PPARGC1A: variants seen among roughly 807,000 people sequenced by gnomAD.
PPARGC1A encodes PPARG coactivator 1 alpha, also known as peroxisome proliferator-activated receptor gamma coactivator 1-alpha.
Under a neutral mutation model 88.7 loss-of-function variants are expected in PPARGC1A, and 25 were observed. That is an observed-to-expected ratio of 0.28 (90% CI 0.21 to 0.39). PPARGC1A has a LOEUF of 0.39. PPARGC1A is among the 10% of genes least tolerant of loss of function. The pLI is 1.00. For missense variants in PPARGC1A, 880 were observed against 968.7 expected (o/e 0.91, Z 1.22); for synonymous variants, 363 against 355.6 (o/e 1.02, Z -0.24).
At chr4:23,968,609 A>G in the PPARGC1A span, among the ~76,000 whole-genome samples, 1 of 152,320 alleles carries the variant, frequency 6.6e-6, no homozygotes, top group South Asian at 2.1e-4. Flanking sequence ...TTAATAATAC[A>G]TACCTTATTA....
the PPARGC1A span, among the ~76,000 whole-genome samples, chr4:24,184,806 T>C: frequency 6.6e-6 from 1 of 151,948 alleles, no homozygotes; most frequent in African/African-American, 2.4e-5. Flanking sequence ...TTTTCTAGGG[T>C]CAAGAAACAG....
chr4:24,459,945 C>T, the PPARGC1A span, among the ~76,000 whole-genome samples: 1,933 of 152,230 alleles, frequency 0.013, 21 homozygotes, highest in Non-Finnish European at 0.02. Flanking sequence ...AGGTAGTTTC[C>T]CAAAACTCTC....
chr4:24,157,955 T>C, the PPARGC1A span, among the ~76,000 whole-genome samples: 1 of 152,034 alleles, frequency 6.6e-6, no homozygotes, highest in Non-Finnish European at 1.5e-5. Context: ...CCCCTTACCC[T>C]TCCAACACAC....
chr4:23,953,045 GC>G, the PPARGC1A span, among the ~76,000 whole-genome samples: 1 of 151,868 alleles, frequency 6.6e-6, no homozygotes, highest in African/African-American at 2.4e-5. Context: ...ATTAAAGTTT[GC>G]TATAACTTAC....
the PPARGC1A span, among the ~76,000 whole-genome samples, chr4:23,952,219 T>C: frequency 1.3e-5 from 2 of 152,196 alleles, no homozygotes; most frequent in African/African-American, 4.8e-5. Flanking sequence ...ATTTAAATCA[T>C]CTGAAAGAGA....
At chr4:24,317,554 C>CAAAAAAAAAAAAAAAAAAAA in the PPARGC1A span, among the ~76,000 whole-genome samples, 5 of 14,254 alleles carry the variant, frequency 3.5e-4, no homozygotes, top group Non-Finnish European at 9.7e-4. Context: ...GTTCAGAGGA[C>CAAAAAAAAAAAAAAAAAAAA]TAAAAAAAAA....
chr4:24,041,358 C>T, the PPARGC1A span, among the ~76,000 whole-genome samples: 2 of 152,168 alleles, frequency 1.3e-5, no homozygotes, highest in Non-Finnish European at 2.9e-5. Context: ...GAAGTATTCC[C>T]TCTCTAACAG....
At chr4:24,001,046 T>A in the PPARGC1A span, among the ~76,000 whole-genome samples, 1 of 152,230 alleles carries the variant, frequency 6.6e-6, no homozygotes, top group South Asian at 2.1e-4. Context: ...CTTTCCTTTT[T>A]ATCCCCTTCA....
chr4:24,353,310 G>A, the PPARGC1A span, among the ~76,000 whole-genome samples: 2 of 149,892 alleles, frequency 1.3e-5, no homozygotes, highest in South Asian at 2.1e-4. Context: ...CAGGGAAGCC[G>A]AGCATAGAAG....
chr4:23,861,310 A>C (rs11724368), intron 2 of PPARGC1A, among the ~76,000 whole-genome samples: 2 of 152,264 alleles, frequency 1.3e-5, no homozygotes, highest in Admixed American at 1.3e-4. Flanking sequence ...ATTTTGATAC[A>C]GTCACCAGAC....
intron 1 of PPARGC1A, 142 bp downstream of exon 1, chr4:23,889,762 G>A (rs1459630818): frequency 4.1e-6 from 4 of 984,874 alleles, no homozygotes; most frequent in Non-Finnish European, 4.3e-6. Flanking sequence ...GTTAAGATAA[G>A]ATTGAGATTC....
At chr4:24,362,959 C>G in the PPARGC1A span, among the ~76,000 whole-genome samples, 1 of 152,194 alleles carries the variant, frequency 6.6e-6, no homozygotes, top group Admixed American at 6.5e-5. Context: ...AAGAACTTAA[C>G]AATTATTAGG....
the PPARGC1A span, among the ~76,000 whole-genome samples, chr4:24,367,689 T>A: frequency 6.6e-6 from 1 of 152,218 alleles, no homozygotes; most frequent in African/African-American, 2.4e-5. Context: ...AACATTCTTA[T>A]GGAGTGGGCA....
chr4:24,223,673 A>C, the PPARGC1A span, among the ~76,000 whole-genome samples: 2 of 152,234 alleles, frequency 1.3e-5, no homozygotes, highest in Non-Finnish European at 2.9e-5. Flanking sequence ...GATGCATCTT[A>C]AAATCAGTGG....
In PPARGC1A at chr4:23,829,508, A is replaced by T. The variant is rs1482800681; in HGVS notation, c.507T>A (p.His169Gln). The T allele has an allele frequency of 1.2e-6, 2 of 1,613,740 alleles. No homozygotes were observed. Among genetic ancestry groups the T allele is most frequent in the Non-Finnish European group, 1.7e-6 (2 of 1,179,772 alleles). The change falls in exon 4 of 13, where the codon CAT becomes CAA. Residue 169 changes from histidine (H) to glutamine (Q), a missense_variant. Physicochemically the swap from His to Gln is conservative, Grantham distance 24 (BLOSUM62 0). Coordinates refer to ENST00000264867, the MANE Select transcript of PPARGC1A (RefSeq NM_013261.5). ...TTCTGATCCTGTGATTGTGATTTGC[A>T]TGGTTCTGGGTACTGAGACCACTGC... ...NECSGLSTQNHANHNHRIRTN... is the reference protein window; with the variant it reads ...NECSGLSTQNQANHNHRIRTN...
the PPARGC1A span, among the ~76,000 whole-genome samples, chr4:24,157,897 AAAAGCAAATT>A: frequency 3.3e-5 from 5 of 152,124 alleles, no homozygotes; most frequent in Non-Finnish European, 2.9e-5. Flanking sequence ...GAAAAAATAA[AAAAGCAAATT>A]AGATATCACT....
the PPARGC1A span, among the ~76,000 whole-genome samples, chr4:24,339,233 T>TACACACACAC: frequency 1.7e-5 from 2 of 119,300 alleles, no homozygotes; most frequent in African/African-American, 6.5e-5. Flanking sequence ...TATATATATA[T>TACACACACAC]ATATACACAC....
At chr4:24,013,856 G>T in the PPARGC1A span, among the ~76,000 whole-genome samples, 1 of 152,154 alleles carries the variant, frequency 6.6e-6, no homozygotes, top group East Asian at 1.9e-4. Flanking sequence ...CCCCAAATAA[G>T]TTCTTGGGGA....
the PPARGC1A span, among the ~76,000 whole-genome samples, chr4:24,383,049 T>G: frequency 5.9e-5 from 9 of 152,232 alleles, no homozygotes; most frequent in African/African-American, 1.9e-4. Context: ...CAATCTTTGC[T>G]ATTCTGCAGC....
Sources: gnomAD v4.1 joint callset for allele counts (sites outside exome capture counted in the v4.1 genomes callset) on GRCh38, gnomAD v4.1.1 for gene constraint, MANE v1.5 for transcripts, NCBI Gene and HGNC (gene_info 2026-07-23, HGNC 2026-07-21) for gene names.